The following SETD7 variants were observed in gnomAD, a reference collection of about 807,000 sequenced individuals.
SETD7 encodes histone-lysine N-methyltransferase SETD7.
Under a neutral mutation model 41.8 loss-of-function variants are expected in SETD7, and 16 were observed. The ratio of observed to expected loss-of-function variants is 0.38; its 90% CI spans 0.26 to 0.58. The LOEUF (loss-of-function observed/expected upper bound fraction) is 0.58. Ranked by LOEUF, SETD7 falls within the 20% of genes least tolerant of loss-of-function variation. The pLI is 0.64. For synonymous variants in SETD7, 163 were observed against 169.7 expected (o/e 0.96, Z 0.31); for missense variants, 346 against 459.7 (o/e 0.75, Z 2.26).
chr4:139,519,761 T>C (rs146231781), intron 6 of SETD7, among the ~76,000 whole-genome samples: 127 of 152,346 alleles, frequency 8.3e-4, no homozygotes, highest in African/African-American at 2.9e-3. Context: ...GGAAATTAAC[T>C]GTAAAGTGAA....
At position 139,551,227 on chromosome 4, in the gene SETD7, A is replaced by G. The variant is rs1020927174; in HGVS notation, c.41-4178T>C. Among the ~76,000 whole-genome samples, 4 of 152,262 alleles carry G rather than the reference A, an allele frequency of 2.6e-5. No individual in the cohort carries two copies. The South Asian group carries it at 6.2e-4, about 24-fold the overall frequency. The stretch of plus-strand genomic sequence containing the variant: ...TGAGGTCAATTTGTAAAATGCGCCA[A>G]GTCAGCCAACAGCCTTCCAGGCGAG... On this transcript the variant is annotated intron_variant, in intron 1 of 7. Coordinates refer to ENST00000274031, the MANE Select transcript of SETD7 (RefSeq NM_030648.4).
intron 3 of SETD7, 189 bp downstream of exon 3, chr4:139,532,976 T>G: frequency 1.7e-6 from 1 of 598,960 alleles, no homozygotes; most frequent in Non-Finnish European, 3.0e-6. Context: ...AATAACGGAT[T>G]CAAGGGCCAA....
At chr4:139,532,898 C>A in intron 3 of SETD7, 3 of 533,344 alleles carry the variant, frequency 5.6e-6, no homozygotes, top group Middle Eastern at 4.9e-4. Context: ...TACAATAAAA[C>A]CAATTTGTCT....
At chr4:139,497,685 G>A (rs1726490823) in intron 7 of SETD7, among the ~76,000 whole-genome samples, 2 of 151,570 alleles carry the variant, frequency 1.3e-5, no homozygotes, top group South Asian at 4.2e-4. Flanking sequence ...CGCCTCCTGG[G>A]TTCAAGCGAT....
At chr4:139,529,884 C>A (rs961937672) in intron 3 of SETD7, among the ~76,000 whole-genome samples, 1 of 152,192 alleles carries the variant, frequency 6.6e-6, no homozygotes, top group Non-Finnish European at 1.5e-5. Flanking sequence ...AACTAAATTT[C>A]ACTCCCATCT....
intron 2 of SETD7, 62 bp downstream of exon 2, chr4:139,546,858 T>C: frequency 6.2e-7 from 1 of 1,605,754 alleles, no homozygotes; most frequent in Non-Finnish European, 8.5e-7. Flanking sequence ...TTCGTTTGTA[T>C]TAGTCCTTAA....
At position 139,533,479 on chromosome 4, in the gene SETD7, T is replaced by C. The variant is rs989726745; in HGVS notation, c.171-113A>G. The C allele has an allele frequency of 7.0e-6, 6 of 858,632 alleles. No individual in the cohort carries two copies. In the South Asian group the frequency reaches 9.8e-5, roughly 14 times the overall value. 53.2% of individuals were successfully genotyped at this position (858,632 alleles called of 1,614,324 possible). ...CCAGCTGTGTCAGCCCTGACATGGA[T>C]TCAGCGCAGCCTCCTAAATTATCAT... is the stretch of plus-strand genomic sequence containing the variant. On this transcript the variant is annotated intron_variant, in intron 2 of 7. Coordinates refer to ENST00000274031, the MANE Select transcript of SETD7 (RefSeq NM_030648.4).
intron 7 of SETD7, among the ~76,000 whole-genome samples, chr4:139,515,492 G>A (rs2725773): frequency 0.77 from 117,176 of 152,126 alleles, 46,631 homozygotes; most frequent in East Asian, 0.96. Context: ...TTAAAGGAGT[G>A]GTCTTAAGTA....
chr4:139,538,750 A>G (rs1727706628), intron 2 of SETD7, among the ~76,000 whole-genome samples: 1 of 151,932 alleles, frequency 6.6e-6, no homozygotes, highest in Admixed American at 6.5e-5. Context: ...TCCTTTCAAC[A>G]TCTTGGCAAA....
chr4:139,549,392 T>C (rs2111175713), intron 1 of SETD7, among the ~76,000 whole-genome samples: 1 of 152,320 alleles, frequency 6.6e-6, no homozygotes, highest in Middle Eastern at 3.4e-3. Flanking sequence ...CCCTCAGCAA[T>C]GGAATTTAGA....
Position 139,524,256 on chromosome 4 carries a change from C to T in SETD7, c.563-821G>A, listed in dbSNP as rs111456186. Among the ~76,000 whole-genome samples, 747 of 152,288 alleles carry T rather than the reference C, an allele frequency of 4.9e-3. 11 individuals are homozygous for T. Among genetic ancestry groups the T allele is most frequent in the African/African-American group, 0.017 (720 of 41,556 alleles). On this transcript the variant is annotated intron_variant, in intron 4 of 7. Coordinates refer to ENST00000274031, the MANE Select transcript of SETD7 (RefSeq NM_030648.4). ...GTGGCTTTTTTTGTACAACCAAAAC[C>T]CCAATGAATACCTGAAACTAAAAGT...
intron 6 of SETD7, 47 bp from the exon 7 acceptor site, chr4:139,518,089 A>C: frequency 6.4e-7 from 1 of 1,564,232 alleles, no homozygotes; most frequent in South Asian, 1.2e-5. Flanking sequence ...TTTCTCCCCA[A>C]AGGTCAAAGG....
chr4:139,547,364 T>C (rs1727989622), intron 1 of SETD7, among the ~76,000 whole-genome samples: 1 of 152,220 alleles, frequency 6.6e-6, no homozygotes, highest in Non-Finnish European at 1.5e-5. Flanking sequence ...AGTAATATTA[T>C]CTGCAGGGCA....
rs1010268790 is a variant in SETD7, at chr4:139,506,331, C to G, written c.*5332G>C. ...CAAATTCCACAAGAGACCAAAGATGCTCGTTAACCGTGATGGGGTTAACTT... is the reference window on the plus strand; with the variant it reads ...CAAATTCCACAAGAGACCAAAGATGGTCGTTAACCGTGATGGGGTTAACTT... On this transcript the variant is annotated 3_prime_UTR_variant, in exon 8 of 8. Transcript: ENST00000274031. 2 of 152,656 alleles carry G rather than the reference C, an allele frequency of 1.3e-5. No individual in the cohort carries two copies. Among genetic ancestry groups the G allele is most frequent in the African/African-American group, 2.4e-5 (1 of 41,464 alleles). The allele number at this position is 152,656 out of a possible 1,614,324, so 9.5% of individuals were successfully genotyped here.
downstream of SETD7, among the ~76,000 whole-genome samples, chr4:139,503,393 A>G (rs2320312): frequency 0.013 from 2,002 of 152,132 alleles, 160 homozygotes; most frequent in Admixed American, 0.12. Flanking sequence ...TTAGGAGAGC[A>G]GCAAGGAGCC....
intron 2 of SETD7, among the ~76,000 whole-genome samples, chr4:139,539,896 TG>T (rs1466314171): frequency 6.6e-6 from 1 of 152,176 alleles, no homozygotes; most frequent in Admixed American, 6.5e-5. Flanking sequence ...AACCAGGAAG[TG>T]GGCCCTCGAC....
chr4:139,548,716 T>G (rs1471222604), intron 1 of SETD7, among the ~76,000 whole-genome samples: 1 of 152,208 alleles, frequency 6.6e-6, no homozygotes, highest in African/African-American at 2.4e-5. Context: ...ACAACTACAG[T>G]GTTTTATTGC....
At chr4:139,549,512 A>ATTCATTCCTTCCTTCCTTCCTTCC (rs1728050177) in intron 1 of SETD7, among the ~76,000 whole-genome samples, 1 of 149,792 alleles carries the variant, frequency 6.7e-6, no homozygotes, top group East Asian at 2.0e-4. Context: ...ATGAAGAATT[A>ATTCATTCCTTCCTTCCTTCCTTCC]TTCCTTCCTT....
chr4:139,523,343 G>A lies in SETD7; in HGVS notation c.644+11C>T. ...TAAACAGTGCAATTAAAACCCCAAG[G>A]AGGAAATTACCTTTCTGATTCATAA... On this transcript the variant is annotated intron_variant, in intron 5 of 7. Coordinates refer to ENST00000274031, the MANE Select transcript of SETD7 (RefSeq NM_030648.4). 2 of 1,596,202 alleles carry A rather than the reference G, an allele frequency of 1.3e-6. No homozygotes were observed. The highest frequency in any genetic ancestry group is 1.7e-6 in the Non-Finnish European group (2 of 1,163,948).
Sources: allele counts gnomAD v4.1 joint callset (sites outside exome capture counted in the v4.1 genomes callset), GRCh38; gene constraint gnomAD v4.1.1; transcripts MANE v1.5; gene names NCBI Gene and HGNC (gene_info 2026-07-23, HGNC 2026-07-21).